Variants in GREB1L observed in about 807,000 individuals in gnomAD.
GREB1L encodes the protein GREB1-like protein.
In GREB1L, 17 loss-of-function variants were observed where a neutral mutation model predicts 200.8. That is an observed-to-expected ratio of 0.08 (90% confidence interval 0.06 to 0.13). The LOEUF (loss-of-function observed/expected upper bound fraction) is 0.13. Ranked by LOEUF, GREB1L falls within the 10% of genes least tolerant of loss-of-function variation. GREB1L has a pLI of 1.00. For missense variants in GREB1L, 1,657 were observed against 2,367.7 expected (o/e 0.70, Z 6.23); for synonymous variants, 789 against 893.0 (o/e 0.88, Z 2.08).
intron 11 of GREB1L, among the ~76,000 whole-genome samples, chr18:21,446,380 C>T (rs2034219301): frequency 6.6e-6 from 1 of 151,994 alleles, no homozygotes; most frequent in Admixed American, 6.6e-5. Flanking sequence ...TTAAATGAAC[C>T]AAGTGGTCAA....
chr18:21,384,372 A>G lies in GREB1L; in HGVS notation c.324A>G (p.Lys108=). Residue 108 remains lysine, a synonymous_variant, in exon 4 of 33, where the codon AAA becomes AAG. Coordinates refer to ENST00000424526, the MANE Select transcript of GREB1L (RefSeq NM_001142966.3). The part of the protein sequence containing the change: ...SNSPPIPYSQ[K]PAPEGSCTTD... ...GCCCACCAATTCCCTATTCACAAAA[A>G]CCTGCCCCAGAAGGATCTTGCACTA... is the stretch of plus-strand genomic sequence containing the variant. The G allele has an allele frequency of 6.4e-7, 1 of 1,551,388 alleles. No individual in the cohort carries two copies.
rs562720065 is a variant in GREB1L at position 21,434,272 on chromosome 18, C to T, written c.833-5249C>T. On this transcript the variant is annotated intron_variant, in intron 7 of 32. Transcript: ENST00000424526. Reference sequence around the variant, plus strand: ...GGTGGATCACTTGAGGTCAGTAGTTCGAGACCAGCCTGGCCAACATGGCAA... The same window carrying T: ...GGTGGATCACTTGAGGTCAGTAGTTTGAGACCAGCCTGGCCAACATGGCAA... Among the ~76,000 whole-genome samples, 117 of 152,006 alleles carry T rather than the reference C, an allele frequency of 7.7e-4. 2 individuals are homozygous for T. The highest frequency in any genetic ancestry group is 2.7e-3 in the African/African-American group (112 of 41,420).
chr18:21,242,792 C>CCGGCGGAGG (rs1252022973), intron 1 of GREB1L, among the ~76,000 whole-genome samples: 1 of 152,238 alleles, frequency 6.6e-6, no homozygotes, highest in Admixed American at 6.5e-5. Flanking sequence ...GCGGGGTCCC[C>CCGGCGGAGG]CGGCGGAGGC....
At chr18:21,405,843 C>G (rs1169829382) in intron 7 of GREB1L, among the ~76,000 whole-genome samples, 1 of 151,874 alleles carries the variant, frequency 6.6e-6, no homozygotes, top group Non-Finnish European at 1.5e-5. Flanking sequence ...AACAATAAAA[C>G]AGGCCCAGGC....
At position 21,290,445 on chromosome 18, in the gene GREB1L, A is replaced by C. The variant is rs187276692; in HGVS notation, c.-120+48052A>C. On this transcript the variant is annotated intron_variant, in intron 1 of 32. Transcript: ENST00000424526. ...ACACAGCTTATATAAATGTTTATAT[A>C]ATCCTTAACTACTGGGCAGATGGTT... Among the ~76,000 whole-genome samples the C allele has an allele frequency of 1.7e-3, 254 of 152,330 alleles. 2 individuals are homozygous for C. Among genetic ancestry groups the C allele is most frequent in the African/African-American group, 5.9e-3 (245 of 41,582 alleles).
rs2036521156 is a variant in GREB1L, at chr18:21,495,778, T to A, written c.3139T>A (p.Phe1047Ile). 6.7e-7 allele frequency: 1 copy of A among 1,498,010 alleles called. No individual in the cohort carries two copies. The highest frequency in any genetic ancestry group is 9.1e-7 in the Non-Finnish European group (1 of 1,103,448). The allele number at this position is 1,498,010 out of a possible 1,614,324, so 92.8% of individuals were successfully genotyped here. A position where few individuals can be genotyped will look rare whatever the true frequency, so the allele number is the denominator to read the frequency against. Reference sequence around the variant, plus strand: ...TGGCAAAGATCCTCTTGGAGAAACCTTTCCCAGGTACAGTTTCAATAATTA... The same window carrying A: ...TGGCAAAGATCCTCTTGGAGAAACCATTCCCAGGTACAGTTTCAATAATTA... ...LTGKDPLGET[F>I]PRSLKYCDLR... Residue 1047 changes from phenylalanine to isoleucine, a missense_variant, in exon 20 of 33, where the codon TTT becomes ATT. Around this residue, in one of 9 missense-constraint regions of GREB1L, gnomAD observed 512 missense variants for 668.3 expected, o/e 0.77. Coordinates refer to ENST00000424526, the MANE Select transcript of GREB1L (RefSeq NM_001142966.3).
intron 2 of GREB1L, among the ~76,000 whole-genome samples, chr18:21,375,583 A>G (rs895912730): frequency 6.6e-6 from 1 of 152,100 alleles, no homozygotes; most frequent in South Asian, 2.1e-4. Flanking sequence ...TACATTACCA[A>G]GCATTCATTT....
chr18:21,499,647 G>C (rs1419307520), intron 21 of GREB1L, 82 bp from the exon 22 acceptor site: 1 of 1,015,794 alleles, frequency 9.8e-7, no homozygotes, highest in Non-Finnish European at 1.5e-6. Flanking sequence ...AGTGTCCACT[G>C]CTTTCCTGGC....
chr18:21,308,949 A>C (rs1351836870), intron 1 of GREB1L, among the ~76,000 whole-genome samples: 1 of 152,160 alleles, frequency 6.6e-6, no homozygotes, highest in Non-Finnish European at 1.5e-5. Flanking sequence ...CTCAAGCGTG[A>C]CCATTTCCTG....
chr18:21,477,219 G>A lies in GREB1L; in HGVS notation c.2419G>A (p.Val807Ile), dbSNP rs1488052859. Residue 807 changes from valine (V) to isoleucine (I), a missense_variant, in exon 17 of 33, where the codon GTC becomes ATC. Val to Ile is a conservative substitution (Grantham distance 29). Around this residue, in one of 9 missense-constraint regions of GREB1L, gnomAD observed 239 missense variants for 421.8 expected, o/e 0.57. Coordinates refer to ENST00000424526, the MANE Select transcript of GREB1L (RefSeq NM_001142966.3). ...ACCCAGTCATGGGCTAGCTGATAGA[G>A]TCATTAATTGCAGAGAAGTTCTGGA... ...SEPSHGLADRVINCREVLEAF... is the reference protein window; with the variant it reads ...SEPSHGLADRIINCREVLEAF... 1.3e-6 allele frequency: 2 copies of A among 1,551,986 alleles called. No individual in the cohort carries two copies. The highest frequency in any genetic ancestry group is 4.9e-5 in the East Asian group (2 of 40,938).
chr18:21,469,074 T>C (rs931682190), intron 15 of GREB1L, among the ~76,000 whole-genome samples: 12 of 152,236 alleles, frequency 7.9e-5, no homozygotes, highest in Non-Finnish European at 1.5e-4. Context: ...TAAAATCTTG[T>C]GGAAATATTT....
At chr18:21,405,433 T>C (rs2030076400) in intron 7 of GREB1L, among the ~76,000 whole-genome samples, 1 of 152,250 alleles carries the variant, frequency 6.6e-6, no homozygotes, top group Non-Finnish European at 1.5e-5. Context: ...ATCAAGTGTT[T>C]ATTTCGTTTT....
At chr18:21,348,700 G>C (rs533689543) in intron 1 of GREB1L, among the ~76,000 whole-genome samples, 1 of 151,950 alleles carries the variant, frequency 6.6e-6, no homozygotes. Flanking sequence ...GCTTGAACCC[G>C]GGAGGCAGAG....
intron 17 of GREB1L, among the ~76,000 whole-genome samples, chr18:21,482,330 T>TCC (rs2035952604): frequency 6.6e-6 from 1 of 152,254 alleles, no homozygotes; most frequent in Non-Finnish European, 1.5e-5. Flanking sequence ...CGATCTCAGC[T>TCC]CACTGCAACC....
chr18:21,308,969 C>G (rs906928703), intron 1 of GREB1L, among the ~76,000 whole-genome samples: 1 of 152,238 alleles, frequency 6.6e-6, no homozygotes, highest in Non-Finnish European at 1.5e-5. Context: ...GAGTTCATAA[C>G]AGGACCTCTT....
chr18:21,448,242 T>C (rs537321385), intron 11 of GREB1L, among the ~76,000 whole-genome samples: 1 of 151,884 alleles, frequency 6.6e-6, no homozygotes, highest in South Asian at 2.1e-4. Context: ...CCTGTTTCCA[T>C]GTATAGAGGA....
rs1445051665 is a variant in GREB1L at position 21,436,706 on chromosome 18, G to GTGTGTGTGTGTT, written c.833-2813_833-2802dup. ...TGTGTGTGTGTGTGTGTGTGTGTGT[G>GTGTGTGTGTGTT]TGTGTGTGTGTTTTCTTTTTCTGAA... On this transcript the variant is annotated intron_variant, in intron 7 of 32. Coordinates refer to ENST00000424526, the MANE Select transcript of GREB1L (RefSeq NM_001142966.3). 2.0e-5 allele frequency among the ~76,000 whole-genome samples: 3 copies of GTGTGTGTGTGTT among 149,118 alleles called. No homozygotes were observed. The East Asian group carries it at 5.9e-4, about 29-fold the overall frequency.
At position 21,490,305 on chromosome 18, in the gene GREB1L, C is replaced by T. The variant is rs376272319; in HGVS notation, c.2984C>T (p.Pro995Leu). 93 of 1,551,700 alleles carry T rather than the reference C, an allele frequency of 6.0e-5. No individual in the cohort carries two copies. Among genetic ancestry groups the T allele is most frequent in the Middle Eastern group, 1.7e-4 (1 of 6,018 alleles). ...CGGTTTGAGATCATCCTTGGGAACC[C>T]GGCCACCGAACTCAGTGTTGCAACT... The part of the protein sequence containing the change: ...QYRFEIILGN[P>L]ATELSVATHF... Residue 995 changes from proline to leucine, a missense_variant, in exon 19 of 33, where the codon CCG becomes CTG. Physicochemically the swap from Pro to Leu is moderately conservative, Grantham distance 98. Transcript: ENST00000424526.
In GREB1L at chr18:21,299,561, C is replaced by G. The variant is rs540933351; in HGVS notation, c.-120+57168C>G. 1.4e-5 allele frequency among the ~76,000 whole-genome samples: 2 copies of G among 146,314 alleles called. 1 individual carries two copies. The highest frequency in any genetic ancestry group is 5.1e-5 in the African/African-American group (2 of 39,510). On this transcript the variant is annotated intron_variant, in intron 1 of 32. Coordinates refer to ENST00000424526, the MANE Select transcript of GREB1L (RefSeq NM_001142966.3). Reference sequence around the variant, plus strand: ...TTTCTTTCTTTCTTTCCCCTCTGTTCGGAAGTGATACCATTTGTCGTAGGA... The same window carrying G: ...TTTCTTTCTTTCTTTCCCCTCTGTTGGGAAGTGATACCATTTGTCGTAGGA...
Sources: allele counts gnomAD v4.1 joint callset (sites outside exome capture counted in the v4.1 genomes callset), GRCh38; gene constraint gnomAD v4.1.1; regional missense constraint gnomAD v4.1.1; transcripts MANE v1.5; gene names NCBI Gene and HGNC (gene_info 2026-07-23, HGNC 2026-07-21).